The following TCF4 variants were observed in gnomAD, a reference collection of about 807,000 sequenced individuals.
TCF4 encodes transcription factor 4.
In TCF4, 3 loss-of-function variants were observed where a neutral mutation model predicts 82.1. That is an observed-to-expected ratio of 0.04 (90% CI 0.02 to 0.09). The LOEUF (loss-of-function observed/expected upper bound fraction) is 0.09. TCF4 is among the 10% of genes least tolerant of loss of function. TCF4 has a pLI of 1.00. For synonymous variants in TCF4, 276 were observed against 309.6 expected (o/e 0.89, Z 1.14); for missense variants, 518 against 852.7 (o/e 0.61, Z 4.89).
At chr18:55,351,866 T>C in intron 6 of TCF4, 1 of 913,380 alleles carries the variant, frequency 1.1e-6, no homozygotes, top group Non-Finnish European at 1.3e-6. Flanking sequence ...TGATATGCAA[T>C]AAAACAAGAG....
At chr18:55,603,902 C>G (rs1354675998) in intron 2 of TCF4, among the ~76,000 whole-genome samples, 1 of 152,068 alleles carries the variant, frequency 6.6e-6, no homozygotes, top group Non-Finnish European at 1.5e-5. Context: ...TTGAATAGCT[C>G]TATGGTCCTC....
chr18:55,445,528 T>C (rs1419610597), intron 5 of TCF4, among the ~76,000 whole-genome samples: 1 of 152,012 alleles, frequency 6.6e-6, no homozygotes, highest in East Asian at 1.9e-4. Context: ...GTGAGATGTA[T>C]TCACTATCAC....
intron 3 of TCF4, among the ~76,000 whole-genome samples, chr18:55,499,236 T>C (rs2096670960): frequency 6.6e-6 from 1 of 152,210 alleles, no homozygotes; most frequent in African/African-American, 2.4e-5. Flanking sequence ...TCCTTATTAC[T>C]TAGCCTTTGT....
At chr18:55,597,592 G>T (rs1441070119) in intron 2 of TCF4, among the ~76,000 whole-genome samples, 1 of 151,974 alleles carries the variant, frequency 6.6e-6, no homozygotes, top group East Asian at 1.9e-4. Flanking sequence ...ACTTGAACCT[G>T]GGAAGCGGAG....
At position 55,228,297 on chromosome 18, in the gene TCF4, C is replaced by T. The variant is rs775473226; in HGVS notation, c.1944G>A (p.Glu648=). ...GGCCGGCCAAGGAGAGAGGGGGAGGCTCTGAGGACACCTTCTCTTCCTCCC... is the reference window on the plus strand; with the variant it reads ...GGCCGGCCAAGGAGAGAGGGGGAGGTTCTGAGGACACCTTCTCTTCCTCCC... ...KRREEEKVSS[E]PPPLSLAGPH... Residue 648 remains glutamate, a synonymous_variant, in exon 19 of 20, where the codon GAG becomes GAA. Transcript: ENST00000354452. The T allele has an allele frequency of 6.8e-6, 11 of 1,614,082 alleles. No homozygotes were observed. The highest frequency in any genetic ancestry group is 9.3e-6 in the Non-Finnish European group (11 of 1,179,984).
At chr18:55,624,576 TAA>T (rs35159003) in intron 2 of TCF4, among the ~76,000 whole-genome samples, 26 of 137,082 alleles carry the variant, frequency 1.9e-4, no homozygotes, top group Admixed American at 1.5e-4. Flanking sequence ...AGACCCAGAT[TAA>T]AAAAAAAAAA....
chr18:55,630,968 C>T (rs921973201), intron 2 of TCF4, among the ~76,000 whole-genome samples: 2 of 151,264 alleles, frequency 1.3e-5, no homozygotes, highest in Non-Finnish European at 2.9e-5. Flanking sequence ...AGAAGGAGCA[C>T]AATGCAAGAT....
At chr18:55,238,094 A>G (rs941852934) in intron 15 of TCF4, among the ~76,000 whole-genome samples, 12 of 152,284 alleles carry the variant, frequency 7.9e-5, no homozygotes, top group African/African-American at 2.9e-4. Flanking sequence ...TAAATACGTC[A>G]TAATGTGACT....
At chr18:55,434,725 CCAGGAATA>C (rs1351089678) in intron 5 of TCF4, among the ~76,000 whole-genome samples, 1 of 148,676 alleles carries the variant, frequency 6.7e-6, no homozygotes, top group East Asian at 2.0e-4. Flanking sequence ...CCGTGCCCGG[CCAGGAATA>C]CAGGACATTC....
chr18:55,318,973 C>T (rs2074827618), intron 8 of TCF4, among the ~76,000 whole-genome samples: 1 of 152,148 alleles, frequency 6.6e-6, no homozygotes, highest in Non-Finnish European at 1.5e-5. Context: ...AAACCTGCTT[C>T]CTCTGGCCTC....
At chr18:55,235,807 GTTTA>G (rs1359747427) in intron 15 of TCF4, among the ~76,000 whole-genome samples, 3 of 131,938 alleles carry the variant, frequency 2.3e-5, no homozygotes, top group Admixed American at 2.2e-4. Context: ...TATGAATCAG[GTTTA>G]TTTTTTTTTC....
At chr18:55,354,138 G>A (rs547437781) in intron 6 of TCF4, among the ~76,000 whole-genome samples, 40 of 152,076 alleles carry the variant, frequency 2.6e-4, no homozygotes, top group African/African-American at 9.4e-4. Flanking sequence ...CCCCTTACTC[G>A]CTCCTAATTT....
chr18:55,604,558 T>G (rs1301371562), intron 2 of TCF4, among the ~76,000 whole-genome samples: 2 of 152,194 alleles, frequency 1.3e-5, no homozygotes, highest in Admixed American at 1.3e-4. Flanking sequence ...CCCACCCAGT[T>G]GCAAAGAGTG....
intron 8 of TCF4, among the ~76,000 whole-genome samples, chr18:55,334,024 G>A (rs1472458653): frequency 6.6e-6 from 1 of 151,834 alleles, no homozygotes; most frequent in African/African-American, 2.4e-5. Flanking sequence ...TGATCTCAAG[G>A]GTATTTTTTT....
intron 11 of TCF4, chr18:55,268,530 T>C (rs964314838): frequency 2.6e-5 from 4 of 151,870 alleles, no homozygotes; most frequent in Non-Finnish European, 5.9e-5. Context: ...TTAAAAAAAA[T>C]GGAAACTCTC....
At chr18:55,444,652 T>G (rs901368390) in intron 5 of TCF4, among the ~76,000 whole-genome samples, 26 of 152,230 alleles carry the variant, frequency 1.7e-4, no homozygotes, top group Admixed American at 6.5e-5. Context: ...AATTGCCTTG[T>G]TGGTGGTGGT....
chr18:55,432,119 T>C (rs1288312737), intron 5 of TCF4, among the ~76,000 whole-genome samples: 2 of 152,074 alleles, frequency 1.3e-5, no homozygotes, highest in Non-Finnish European at 2.9e-5. Flanking sequence ...CTGGTAAACA[T>C]GGCGAAACCC....
intron 3 of TCF4, among the ~76,000 whole-genome samples, chr18:55,516,894 T>C (rs2096887937): frequency 6.6e-6 from 1 of 152,140 alleles, no homozygotes; most frequent in African/African-American, 2.4e-5. Context: ...GTAAGGTCAA[T>C]GAAGTGTTCT....
At chr18:55,285,277 G>T (rs1036035330) in intron 8 of TCF4, among the ~76,000 whole-genome samples, 1 of 152,160 alleles carries the variant, frequency 6.6e-6, no homozygotes, top group African/African-American at 2.4e-5. Flanking sequence ...ACAATTCCTT[G>T]CGAGGACATA....
Sources: allele counts gnomAD v4.1 joint callset (sites outside exome capture counted in the v4.1 genomes callset), GRCh38; gene constraint gnomAD v4.1.1; transcripts MANE v1.5; gene names NCBI Gene and HGNC (gene_info 2026-07-23, HGNC 2026-07-21).